The following RBMS3 variants were observed in gnomAD, a reference collection of about 807,000 sequenced individuals.
RBMS3 encodes RNA-binding motif, single-stranded-interacting protein 3.
RBMS3 carries 27 observed loss-of-function variants against 66.8 expected under a neutral mutation model. The observed-to-expected ratio is 0.40, with a 90% CI of 0.30 to 0.56. The LOEUF (loss-of-function observed/expected upper bound fraction) is 0.56. RBMS3 is among the 20% of genes least tolerant of loss of function. The pLI is 0.40. For synonymous variants in RBMS3, 188 were observed against 183.0 expected, an observed-to-expected ratio of 1.03 and a Z score of -0.22; for missense variants, 513 against 549.5, an observed-to-expected ratio of 0.93 and a Z score of 0.66.
intron 1 of RBMS3, among the ~76,000 whole-genome samples, chr3:29,299,997 A>T (rs1464462760): frequency 1.3e-5 from 2 of 151,984 alleles, no homozygotes; most frequent in African/African-American, 4.8e-5. Flanking sequence ...AAGGGAGAAA[A>T]TATTCTAATA....
chr3:29,414,042 G>A (rs1321496169), intron 1 of RBMS3, among the ~76,000 whole-genome samples: 3 of 152,206 alleles, frequency 2.0e-5, no homozygotes, highest in East Asian at 3.9e-4. Flanking sequence ...AGTCCATTTT[G>A]GGATATCATT....
At chr3:29,470,192 T>G (rs1488639823) in intron 2 of RBMS3, among the ~76,000 whole-genome samples, 1 of 151,854 alleles carries the variant, frequency 6.6e-6, no homozygotes, top group Non-Finnish European at 1.5e-5. Flanking sequence ...ACCTTTTGCC[T>G]GTAATGATGC....
In RBMS3 at chr3:29,891,693, G is replaced by A. The variant is rs564284267; in HGVS notation, c.792-5686G>A. Among the ~76,000 whole-genome samples, 17 of 151,558 alleles carry A rather than the reference G, an allele frequency of 1.1e-4. No homozygotes were observed. The South Asian group carries it at 3.5e-3, about 32-fold the overall frequency. On this transcript the variant is annotated intron_variant, in intron 8 of 14. Transcript: ENST00000383767. ...TTATTTGAATAAAATATATTCTTGG[G>A]GGAGACGTGAAAAAGAATGTTTTCT...
intron 5 of RBMS3, among the ~76,000 whole-genome samples, chr3:29,760,128 T>G (rs540572220): frequency 6.6e-6 from 1 of 152,054 alleles, no homozygotes; most frequent in Non-Finnish European, 1.5e-5. Flanking sequence ...ACACTTAGAA[T>G]GCAGAAGGGA....
At chr3:29,728,061 A>G (rs1045239975) in intron 4 of RBMS3, among the ~76,000 whole-genome samples, 1 of 152,202 alleles carries the variant, frequency 6.6e-6, no homozygotes, top group Non-Finnish European at 1.5e-5. Flanking sequence ...TTGCGGGGAC[A>G]TGGATGAAGC....
At chr3:29,474,573 A>G (rs1178537485) in intron 2 of RBMS3, among the ~76,000 whole-genome samples, 1 of 152,206 alleles carries the variant, frequency 6.6e-6, no homozygotes, top group African/African-American at 2.4e-5. Flanking sequence ...TTGAACACCT[A>G]TTTTGTGCTG....
intron 6 of RBMS3, among the ~76,000 whole-genome samples, chr3:29,831,817 G>C (rs1348452857): frequency 2.6e-5 from 4 of 151,816 alleles, no homozygotes; most frequent in African/African-American, 9.7e-5. Flanking sequence ...TGTTAATAGT[G>C]TTAACACATT....
At chr3:29,476,495 T>C (rs150998899) in intron 2 of RBMS3, among the ~76,000 whole-genome samples, 101 of 152,324 alleles carry the variant, frequency 6.6e-4, no homozygotes, top group African/African-American at 2.3e-3. Context: ...ATGAATTATT[T>C]AGCTAAAGAC....
intron 6 of RBMS3, among the ~76,000 whole-genome samples, chr3:29,763,700 G>A (rs985922176): frequency 1.3e-5 from 2 of 152,026 alleles, no homozygotes; most frequent in African/African-American, 4.8e-5. Flanking sequence ...GTGTATCAGA[G>A]CTACAAATGC....
chr3:29,601,347 C>T (rs766790496), intron 4 of RBMS3, among the ~76,000 whole-genome samples: 4 of 151,826 alleles, frequency 2.6e-5, no homozygotes. Context: ...ATGTCATCTT[C>T]GAAATTATGA....
chr3:29,613,529 A>G (rs76345159), intron 4 of RBMS3, among the ~76,000 whole-genome samples: 5 of 152,242 alleles, frequency 3.3e-5, no homozygotes, highest in Non-Finnish European at 7.4e-5. Flanking sequence ...CTTTTGAGAA[A>G]TGCCTTGTGG....
chr3:29,358,904 G>T (rs2037392982), intron 1 of RBMS3, among the ~76,000 whole-genome samples: 1 of 152,192 alleles, frequency 6.6e-6, no homozygotes, highest in African/African-American at 2.4e-5. Context: ...TTTGTATCCT[G>T]AGACTTTGCT....
At chr3:29,891,803 T>C (rs1416481102) in intron 8 of RBMS3, among the ~76,000 whole-genome samples, 1 of 151,546 alleles carries the variant, frequency 6.6e-6, no homozygotes, top group Non-Finnish European at 1.5e-5. Flanking sequence ...AGGAAAGGAA[T>C]CTAATGTGAA....
intron 6 of RBMS3, among the ~76,000 whole-genome samples, chr3:29,859,472 C>T (rs2059159178): frequency 6.6e-6 from 1 of 152,314 alleles, no homozygotes; most frequent in East Asian, 1.9e-4. Context: ...CTGATTGTAA[C>T]TTTGCCACCA....
intron 3 of RBMS3, among the ~76,000 whole-genome samples, chr3:29,575,311 A>G (rs2047081993): frequency 2.0e-5 from 3 of 151,694 alleles, no homozygotes; most frequent in Non-Finnish European, 4.4e-5. Context: ...CAGTACTTTA[A>G]ATATGTCATG....
chr3:29,793,055 T>C (rs2057064989), intron 6 of RBMS3, among the ~76,000 whole-genome samples: 1 of 152,038 alleles, frequency 6.6e-6, no homozygotes, highest in Non-Finnish European at 1.5e-5. Flanking sequence ...CTGGCCAATG[T>C]GGTGAAACCC....
At chr3:29,305,225 C>T (rs2033928515) in intron 1 of RBMS3, among the ~76,000 whole-genome samples, 1 of 151,964 alleles carries the variant, frequency 6.6e-6, no homozygotes, top group Non-Finnish European at 1.5e-5. Context: ...AAAGAATTCC[C>T]CAATCTCCAT....
intron 3 of RBMS3, among the ~76,000 whole-genome samples, chr3:29,531,212 G>C (rs528269656): frequency 4.2e-4 from 64 of 152,342 alleles, no homozygotes; most frequent in Non-Finnish European, 7.8e-4. Flanking sequence ...AGGAGCATCA[G>C]CATCACCTGG....
At chr3:29,360,102 T>C (rs2037478914) in intron 1 of RBMS3, among the ~76,000 whole-genome samples, 1 of 152,206 alleles carries the variant, frequency 6.6e-6, no homozygotes, top group Non-Finnish European at 1.5e-5. Context: ...CTGAATGTGT[T>C]TGCTCTTGTT....
Sources: allele counts gnomAD v4.1 joint callset (sites outside exome capture counted in the v4.1 genomes callset), GRCh38; gene constraint gnomAD v4.1.1; transcripts MANE v1.5; gene names NCBI Gene and HGNC (gene_info 2026-07-23, HGNC 2026-07-21).